The following REV3L variants were observed in gnomAD, a reference collection of about 807,000 sequenced individuals.
REV3L encodes the protein DNA polymerase zeta catalytic subunit.
In REV3L, 69 loss-of-function variants were observed where a neutral mutation model predicts 299.4. The observed-to-expected ratio is 0.23, with a 90% CI of 0.19 to 0.28. The LOEUF is 0.28. REV3L is among the 10% of genes least tolerant of loss of function. The probability of loss-of-function intolerance (pLI) is 1.00; values close to 1 mark genes in which losing one functional copy is unlikely to be tolerated. For synonymous variants in REV3L, 1,238 were observed against 1,271.4 expected (o/e 0.97, Z 0.56); for missense variants, 3,128 against 3,693.8 (o/e 0.85, Z 3.97).
At chr6:111,384,389 T>C (rs974900026) in intron 9 of REV3L, among the ~76,000 whole-genome samples, 1 of 151,820 alleles carries the variant, frequency 6.6e-6, no homozygotes, top group Non-Finnish European at 1.5e-5. Context: ...AAAATATATA[T>C]AACTCAATAG....
chr6:111,432,195 A>G (rs1287819965), intron 1 of REV3L, among the ~76,000 whole-genome samples: 1 of 152,264 alleles, frequency 6.6e-6, no homozygotes, highest in Non-Finnish European at 1.5e-5. Context: ...TGACAGTAGT[A>G]AGTTTACTTG....
At chr6:111,354,862 G>C (rs79699336) in intron 18 of REV3L, among the ~76,000 whole-genome samples, 5,450 of 152,062 alleles carry the variant, frequency 0.036, 325 homozygotes, top group African/African-American at 0.12. Context: ...TTCACAGTTA[G>C]TATTTTAAGT....
chr6:111,345,585 A>G (rs1776942670), intron 20 of REV3L, among the ~76,000 whole-genome samples: 1 of 152,072 alleles, frequency 6.6e-6, no homozygotes, highest in Admixed American at 6.5e-5. Context: ...CCCAGGATCT[A>G]TCAACAGCTG....
At chr6:111,304,947 T>C (rs1043910495) in intron 31 of REV3L, among the ~76,000 whole-genome samples, 16 of 151,528 alleles carry the variant, frequency 1.1e-4, no homozygotes, top group Non-Finnish European at 1.8e-4. Context: ...TTGTTCTTTT[T>C]TTTTTTTTTT....
At chr6:111,450,301 A>T (rs1229338375) in intron 1 of REV3L, among the ~76,000 whole-genome samples, 1 of 152,100 alleles carries the variant, frequency 6.6e-6, no homozygotes, top group East Asian at 1.9e-4. Flanking sequence ...CAACATTGTG[A>T]GACCCTACCT....
At chr6:111,403,752 C>T (rs1783331421) in intron 4 of REV3L, among the ~76,000 whole-genome samples, 1 of 152,164 alleles carries the variant, frequency 6.6e-6, no homozygotes, top group Admixed American at 6.5e-5. Flanking sequence ...AGTCACATGT[C>T]TCTCACTTTA....
At position 111,373,806 on chromosome 6, in the gene REV3L, G is replaced by C; in HGVS notation, c.4549C>G (p.Pro1517Ala). 1 of 1,614,112 alleles carries C rather than the reference G, an allele frequency of 6.2e-7. No homozygotes were observed. The highest frequency in any genetic ancestry group is 8.5e-7 in the Non-Finnish European group (1 of 1,179,986). Residue 1517 changes from proline to alanine, a missense_variant, in exon 13 of 32, where the codon CCT becomes GCT. Around this residue, in one of 9 missense-constraint regions of REV3L, gnomAD observed 2,409 missense variants for 2,611.8 expected, o/e 0.92. Transcript: ENST00000368802. ...SQCKNRNVST[P>A]SAFGEGQSGL... ...GACTGTCCTTCACCAAATGCTGAAGGTGTTGACACATTTCGATTTTTACAC... is the reference window on the plus strand; with the variant it reads ...GACTGTCCTTCACCAAATGCTGAAGCTGTTGACACATTTCGATTTTTACAC...
At chr6:111,393,037 G>T (rs878956588) in intron 4 of REV3L, 65 bp from the exon 5 acceptor site, 1 of 1,243,372 alleles carries the variant, frequency 8.0e-7, no homozygotes. Flanking sequence ...CTTTTTAGAA[G>T]GTAAATTTTT....
chr6:111,419,897 T>C (rs911569306), intron 1 of REV3L, among the ~76,000 whole-genome samples: 1 of 152,000 alleles, frequency 6.6e-6, no homozygotes, highest in Non-Finnish European at 1.5e-5. Context: ...CAGGCTGGAG[T>C]GCAGTGTTGC....
intron 1 of REV3L, among the ~76,000 whole-genome samples, chr6:111,440,203 G>A (rs1034107879): frequency 3.9e-5 from 6 of 152,070 alleles, no homozygotes; most frequent in Non-Finnish European, 2.9e-5. Flanking sequence ...CCTAGTAGCT[G>A]GGATTACAGG....
At chr6:111,449,937 G>C (rs1490365875) in intron 1 of REV3L, among the ~76,000 whole-genome samples, 2 of 152,134 alleles carry the variant, frequency 1.3e-5, no homozygotes, top group Non-Finnish European at 2.9e-5. Context: ...TATTAAAATA[G>C]TTATTGCAAC....
chr6:111,346,284 C>G (rs1159204117), intron 20 of REV3L, among the ~76,000 whole-genome samples: 2 of 152,124 alleles, frequency 1.3e-5, no homozygotes, highest in Non-Finnish European at 2.9e-5. Flanking sequence ...CAGAAGGCCT[C>G]TAAGTATAAC....
chr6:111,347,837 C>T (rs1777178373), intron 20 of REV3L, among the ~76,000 whole-genome samples: 1 of 152,074 alleles, frequency 6.6e-6, no homozygotes, highest in Admixed American at 6.5e-5. Flanking sequence ...GGTCTTCCCG[C>T]CTGAGCCTCC....
intron 1 of REV3L, among the ~76,000 whole-genome samples, chr6:111,480,602 C>T (rs866205055): frequency 2.0e-5 from 3 of 152,176 alleles, no homozygotes; most frequent in Non-Finnish European, 2.9e-5. Flanking sequence ...ATGCCAATGA[C>T]TTCAAATTTT....
Position 111,482,744 on chromosome 6 carries a change from G to T in REV3L, c.139+6C>A, listed in dbSNP as rs1210537020. 2 of 1,391,486 alleles carry T rather than the reference G, an allele frequency of 1.4e-6. No homozygotes were observed. Among genetic ancestry groups the T allele is most frequent in the East Asian group, 5.8e-5 (2 of 34,666 alleles). The allele number at this position is 1,391,486 out of a possible 1,614,324, so 86.2% of individuals were successfully genotyped here. A position where few individuals can be genotyped will look rare whatever the true frequency, so the allele number is the denominator to read the frequency against. ...CGCTCCCGCCCCGCGCCCGGCGCCCGCTTACCTGCCGGGGTCGCTCCGAAG... is the reference window on the plus strand; with the variant it reads ...CGCTCCCGCCCCGCGCCCGGCGCCCTCTTACCTGCCGGGGTCGCTCCGAAG... On this transcript the variant is annotated splice_donor_region_variant and intron_variant, in intron 1 of 31. Transcript: ENST00000368802.
Position 111,454,091 on chromosome 6 carries a change from A to T in REV3L, c.139+28659T>A, listed in dbSNP as rs111730887. ...ACAATATCCCATGCGCTTACACACA[A>T]TTTAATTTCAAACTTTTTTTTTTTT... On this transcript the variant is annotated intron_variant, in intron 1 of 31. Transcript: ENST00000368802. 7.5e-3 allele frequency among the ~76,000 whole-genome samples: 1,136 copies of T among 151,628 alleles called. 13 individuals are homozygous for T. The highest frequency in any genetic ancestry group is 0.026 in the African/African-American group (1,064 of 41,078).
intron 4 of REV3L, among the ~76,000 whole-genome samples, chr6:111,398,416 G>A: frequency 6.6e-6 from 1 of 150,732 alleles, no homozygotes; most frequent in Non-Finnish European, 1.5e-5. Context: ...CCCATGTGGG[G>A]GGAAAAAAAG....
chr6:111,464,983 CAG>C (rs1289447844), intron 1 of REV3L, among the ~76,000 whole-genome samples: 1 of 151,416 alleles, frequency 6.6e-6, no homozygotes, highest in Non-Finnish European at 1.5e-5. Context: ...GCCTGGGTGA[CAG>C]AGCAAGACTC....
rs577645646 is a variant in REV3L at position 111,355,166 on chromosome 6, G to GT, written c.7184+1847dup. Among the ~76,000 whole-genome samples the GT allele has an allele frequency of 2.0e-3, 303 of 152,168 alleles. 1 individual carries two copies. The highest frequency in any genetic ancestry group is 6.9e-3 in the African/African-American group (287 of 41,552). On this transcript the variant is annotated intron_variant, in intron 18 of 31. Coordinates refer to ENST00000368802, the MANE Select transcript of REV3L (RefSeq NM_001372078.1). ...AATATCACTTTATATTACTTTTCGT[G>GT]TTTGTCACTTGAGGAAGTCAATATT...
Sources: gnomAD v4.1 joint callset for allele counts (sites outside exome capture counted in the v4.1 genomes callset) on GRCh38, gnomAD v4.1.1 for gene constraint, gnomAD v4.1.1 regional missense constraint, MANE v1.5 for transcripts, NCBI Gene and HGNC (gene_info 2026-07-23, HGNC 2026-07-21) for gene names.